The following ANKFN1 variants were observed in gnomAD, a reference collection of about 807,000 sequenced individuals.
The protein encoded by ANKFN1 is ankyrin repeat and fibronectin type-III domain-containing protein 1.
ANKFN1 carries 74 observed loss-of-function variants against 108.7 expected under a neutral mutation model. The ratio of observed to expected loss-of-function variants is 0.68; its 90% CI spans 0.56 to 0.83. The LOEUF is 0.83. ANKFN1 is among the 40% of genes least tolerant of loss of function. The pLI, the probability that ANKFN1 is intolerant of heterozygous loss-of-function variation, is 0.00. For synonymous variants in ANKFN1, 547 were observed against 516.2 expected, an observed-to-expected ratio of 1.06 and a Z score of -0.81; for missense variants, 1,505 against 1,382.3, an observed-to-expected ratio of 1.09 and a Z score of -1.41.
upstream of ANKFN1, among the ~76,000 whole-genome samples, chr17:56,152,252 A>ATG (rs1306006458): frequency 2.6e-5 from 2 of 77,476 alleles, no homozygotes; most frequent in African/African-American, 8.8e-5. Context: ...GGAAATATAT[A>ATG]TATATATATA....
At chr17:56,383,808 T>C (rs2047176719) in intron 8 of ANKFN1, among the ~76,000 whole-genome samples, 2 of 152,062 alleles carry the variant, frequency 1.3e-5, no homozygotes, top group South Asian at 2.1e-4. Flanking sequence ...AATAGACCAA[T>C]AACAGGCTCT....
chr17:56,133,013 T>A (rs1020190204), intron 4 of ANKFN1, among the ~76,000 whole-genome samples: 1 of 152,152 alleles, frequency 6.6e-6, no homozygotes, highest in East Asian at 1.9e-4. Context: ...TTGGTGCAAG[T>A]GCCAAACACA....
At chr17:56,270,703 C>A (rs1408091116) in intron 3 of ANKFN1, among the ~76,000 whole-genome samples, 1 of 152,166 alleles carries the variant, frequency 6.6e-6, no homozygotes, top group Non-Finnish European at 1.5e-5. Context: ...TCAGCCCTTA[C>A]GATTCTCCTC....
At chr17:56,208,011 A>C (rs11654608) in intron 1 of ANKFN1, among the ~76,000 whole-genome samples, 25,462 of 151,908 alleles carry the variant, frequency 0.17, 3,500 homozygotes, top group African/African-American at 0.37. Context: ...CAAGATTTCT[A>C]TTTTTTCTTA....
intron 4 of ANKFN1, among the ~76,000 whole-genome samples, chr17:56,127,068 T>C (rs1002472244): frequency 6.6e-6 from 1 of 152,220 alleles, no homozygotes. Context: ...GATTGGCTCA[T>C]AGCACAAGAG....
At chr17:56,480,331 T>A (rs749290785) in intron 16 of ANKFN1, among the ~76,000 whole-genome samples, 12 of 152,162 alleles carry the variant, frequency 7.9e-5, no homozygotes, top group Non-Finnish European at 1.0e-4. Flanking sequence ...AAACGTAGGA[T>A]CTTAGAATTT....
intron 16 of ANKFN1, 73 bp downstream of exon 16, chr17:56,477,727 G>A (rs1413757813): frequency 6.6e-7 from 1 of 1,518,858 alleles, no homozygotes; most frequent in Non-Finnish European, 9.0e-7. Context: ...TGTGCCAGAA[G>A]GAAACTGAAG....
intron 6 of ANKFN1, among the ~76,000 whole-genome samples, chr17:56,368,798 A>G (rs1378924704): frequency 6.6e-6 from 1 of 152,168 alleles, no homozygotes; most frequent in Non-Finnish European, 1.5e-5. Context: ...TAAAGGTGGC[A>G]CTTTCCCATT....
chr17:56,510,855 C>A lies in ANKFN1; in HGVS notation c.3027C>A (p.Gly1009=). Residue 1009 remains glycine, a synonymous_variant, in exon 21 of 21, where the codon GGC becomes GGA. Coordinates refer to ENST00000682825, the MANE Select transcript of ANKFN1 (RefSeq NM_001370326.1). ...KRKPGKHPHY[G]GFSRHHRWLR... ...AGCCAGGCAAGCACCCCCACTATGG[C>A]GGCTTCAGCCGCCATCATCGCTGGT... The A allele has an allele frequency of 2.0e-6, 3 of 1,536,082 alleles. No homozygotes were observed. Among genetic ancestry groups the A allele is most frequent in the Non-Finnish European group, 2.6e-6 (3 of 1,146,890 alleles).
chr17:56,466,257 C>A lies in ANKFN1; in HGVS notation c.1558-99C>A, dbSNP rs2050069598. On this transcript the variant is annotated intron_variant, in intron 14 of 20. Coordinates refer to ENST00000682825, the MANE Select transcript of ANKFN1 (RefSeq NM_001370326.1). ...AAAAAAAAAAGAGAGCAAACAGCTTCTCAGAAATCAGATTATTATTCACGG... is the reference window on the plus strand; with the variant it reads ...AAAAAAAAAAGAGAGCAAACAGCTTATCAGAAATCAGATTATTATTCACGG... 1.1e-5 allele frequency: 12 copies of A among 1,096,584 alleles called. No individual in the cohort carries two copies. The Admixed American group carries it at 1.5e-4, about 14-fold the overall frequency. 67.9% of individuals were successfully genotyped at this position (1,096,584 alleles called of 1,614,324 possible). A position where few individuals can be genotyped will look rare whatever the true frequency, so the allele number is the denominator to read the frequency against.
intron 8 of ANKFN1, among the ~76,000 whole-genome samples, chr17:56,430,897 A>T (rs1385116150): frequency 6.6e-6 from 1 of 152,222 alleles, no homozygotes; most frequent in Admixed American, 6.5e-5. Context: ...TGTCTTGGGG[A>T]TCAGAGAAGG....
intron 19 of ANKFN1, among the ~76,000 whole-genome samples, chr17:56,498,138 A>G (rs781178038): frequency 6.6e-6 from 1 of 152,164 alleles, no homozygotes; most frequent in Non-Finnish European, 1.5e-5. Context: ...ACTACTCTAG[A>G]AATGTAAGGA....
At chr17:56,367,262 A>T (rs1324127440) in intron 6 of ANKFN1, among the ~76,000 whole-genome samples, 1 of 152,216 alleles carries the variant, frequency 6.6e-6, no homozygotes, top group Non-Finnish European at 1.5e-5. Context: ...TCAAGCTTTG[A>T]GCAATTATCA....
chr17:56,126,100 A>G (rs567830172), intron 4 of ANKFN1, among the ~76,000 whole-genome samples: 56 of 152,350 alleles, frequency 3.7e-4, no homozygotes, highest in African/African-American at 1.3e-3. Flanking sequence ...CTGTGGGCCA[A>G]GGAGCTCACT....
chr17:56,285,835 AATGATGATG>A (rs57493010), intron 3 of ANKFN1, among the ~76,000 whole-genome samples: 27,314 of 150,162 alleles, frequency 0.18, 3,488 homozygotes, highest in African/African-American at 0.37. Flanking sequence ...CCTGTCAGAC[AATGATGATG>A]ATGATGATGA....
At chr17:56,372,517 A>G (rs72833878) in intron 6 of ANKFN1, 129 bp from the exon 7 acceptor site, 71,855 of 798,450 alleles carry the variant, frequency 0.09, 4,026 homozygotes, top group Middle Eastern at 0.12. Context: ...GATAACAAAC[A>G]CAGATCCCAC....
chr17:56,133,417 G>A (rs977053825), intron 4 of ANKFN1, among the ~76,000 whole-genome samples: 5 of 152,048 alleles, frequency 3.3e-5, no homozygotes, highest in African/African-American at 7.2e-5. Flanking sequence ...GTTTGCTTTC[G>A]TCTCCTACTG....
chr17:56,293,078 C>T (rs777493074), intron 3 of ANKFN1, among the ~76,000 whole-genome samples: 7 of 152,194 alleles, frequency 4.6e-5, no homozygotes, highest in Non-Finnish European at 1.0e-4. Context: ...ATTTTTGAAC[C>T]CCTATAAATG....
At position 56,514,743 on chromosome 17, in the gene ANKFN1, T is replaced by A. The variant is rs1490797163; in HGVS notation, c.*3474T>A. On this transcript the variant is annotated 3_prime_UTR_variant, in exon 21 of 21. Transcript: ENST00000682825. ...TAGTAATAATATTTCGCCAGTCCTC[T>A]TTCCTGAAGGATCCCAAAGCACTTT... is the stretch of plus-strand genomic sequence containing the variant. Among the ~76,000 whole-genome samples the A allele has an allele frequency of 6.6e-6, 1 of 152,190 alleles. No individual in the cohort carries two copies. Among genetic ancestry groups the A allele is most frequent in the East Asian group, 1.9e-4 (1 of 5,194 alleles).
Sources: gnomAD v4.1 joint callset for allele counts (sites outside exome capture counted in the v4.1 genomes callset) on GRCh38, gnomAD v4.1.1 for gene constraint, MANE v1.5 for transcripts, NCBI Gene and HGNC (gene_info 2026-07-23, HGNC 2026-07-21) for gene names.